IPCEF1: variants seen among roughly 807,000 people sequenced by gnomAD.
IPCEF1 encodes the protein interaction protein for cytohesin exchange factors 1.
Under a neutral mutation model 50.9 loss-of-function variants are expected in IPCEF1, and 31 were observed. That is an observed-to-expected ratio of 0.61 (90% CI 0.46 to 0.82). The LOEUF is 0.82. IPCEF1 is among the 40% of genes least tolerant of loss of function. IPCEF1 has a pLI of 0.00. For missense variants in IPCEF1, 458 were observed against 514.0 expected (o/e 0.89, Z 1.05); for synonymous variants, 181 against 192.0 (o/e 0.94, Z 0.47).
In IPCEF1 at chr6:154,353,582, C is replaced by A. The variant is rs186023518; in HGVS notation, c.-62+3090G>T. On this transcript the variant is annotated intron_variant, in intron 1 of 11. Coordinates refer to ENST00000367220, the MANE Select transcript of IPCEF1 (RefSeq NM_001130700.2). ...GATTACAGGCATGAGAGCCACCGCA[C>A]CCGGGCCTATTTACTTTCTTTCAAC... 2.2e-4 allele frequency among the ~76,000 whole-genome samples: 34 copies of A among 152,288 alleles called. 1 individual carries two copies. In the East Asian group the frequency reaches 3.1e-3, roughly 14 times the overall value.
chr6:154,317,147 A>G (rs1450632301), intron 1 of IPCEF1, among the ~76,000 whole-genome samples: 1 of 152,210 alleles, frequency 6.6e-6, no homozygotes, highest in Non-Finnish European at 1.5e-5. Context: ...AGCAAGCCAC[A>G]AGCTGGGAGA....
intron 10 of IPCEF1, among the ~76,000 whole-genome samples, chr6:154,179,881 G>C (rs569792901): frequency 1.3e-5 from 2 of 152,262 alleles, no homozygotes; most frequent in East Asian, 3.9e-4. Context: ...TTGTTAACAT[G>C]TAGATTCCAT....
intron 10 of IPCEF1, among the ~76,000 whole-genome samples, chr6:154,197,680 G>T (rs1776723765): frequency 6.6e-6 from 1 of 152,220 alleles, no homozygotes; most frequent in Non-Finnish European, 1.5e-5. Context: ...ATGGCATTTA[G>T]CCAGGAACAA....
chr6:154,263,171 A>G (rs1006048304), intron 3 of IPCEF1, among the ~76,000 whole-genome samples: 2 of 151,238 alleles, frequency 1.3e-5, no homozygotes, highest in Admixed American at 1.3e-4. Flanking sequence ...CAGATCTGCA[A>G]TGTCCATTTG....
chr6:154,347,918 G>C (rs1784062578), intron 1 of IPCEF1, among the ~76,000 whole-genome samples: 1 of 152,150 alleles, frequency 6.6e-6, no homozygotes, highest in Admixed American at 6.6e-5. Flanking sequence ...AGAACACAAA[G>C]AGGATGCAAT....
chr6:154,315,444 G>A (rs1783191790), intron 1 of IPCEF1, among the ~76,000 whole-genome samples: 1 of 152,144 alleles, frequency 6.6e-6, no homozygotes, highest in Non-Finnish European at 1.5e-5. Context: ...ACATAAATAA[G>A]CTGAGTTACA....
intron 1 of IPCEF1, among the ~76,000 whole-genome samples, chr6:154,340,996 T>C (rs1052499780): frequency 3.3e-5 from 5 of 151,802 alleles, no homozygotes; most frequent in African/African-American, 1.2e-4. Flanking sequence ...ATGTAAGAAG[T>C]ACATTGGTTA....
rs141439713 is a variant in IPCEF1, at chr6:154,354,061, C to T, written c.-62+2611G>A. On this transcript the variant is annotated intron_variant, in intron 1 of 11. Transcript: ENST00000367220. ...GCTCTGGCAACTTGAAAACTGATATCGATAACTGCCATTTAATGCAATCAT... is the reference window on the plus strand; with the variant it reads ...GCTCTGGCAACTTGAAAACTGATATTGATAACTGCCATTTAATGCAATCAT... Among the ~76,000 whole-genome samples the T allele has an allele frequency of 3.2e-4, 49 of 152,300 alleles. No individual in the cohort carries two copies. In the East Asian group the frequency reaches 8.9e-3, roughly 28 times the overall value.
chr6:154,197,827 G>A (rs1185320440), intron 10 of IPCEF1, among the ~76,000 whole-genome samples: 3 of 151,828 alleles, frequency 2.0e-5, no homozygotes, highest in Non-Finnish European at 4.4e-5. Context: ...ATCCTGGGGG[G>A]TGTGTGTGTG....
intron 3 of IPCEF1, among the ~76,000 whole-genome samples, chr6:154,251,437 C>A (rs908912377): frequency 6.6e-6 from 1 of 152,150 alleles, no homozygotes; most frequent in African/African-American, 2.4e-5. Context: ...GCTTAATAAT[C>A]ATATCATGCT....
At chr6:154,184,617 A>G (rs1801177694) in intron 10 of IPCEF1, among the ~76,000 whole-genome samples, 1 of 152,188 alleles carries the variant, frequency 6.6e-6, no homozygotes. Flanking sequence ...AAGATCCAGA[A>G]CACAAAAATT....
intron 10 of IPCEF1, among the ~76,000 whole-genome samples, chr6:154,172,018 T>G (rs1267810714): frequency 6.6e-6 from 1 of 152,232 alleles, no homozygotes; most frequent in African/African-American, 2.4e-5. Flanking sequence ...AATGGTTTCT[T>G]TACATTTCTC....
At chr6:154,303,793 C>T (rs73571026) in intron 1 of IPCEF1, among the ~76,000 whole-genome samples, 18,689 of 152,106 alleles carry the variant, frequency 0.12, 2,312 homozygotes, top group African/African-American at 0.32. Flanking sequence ...CATGTTGGTG[C>T]ACCTGTGGCC....
chr6:154,179,230 A>C (rs1800625600), intron 10 of IPCEF1, among the ~76,000 whole-genome samples: 1 of 152,210 alleles, frequency 6.6e-6, no homozygotes, highest in Non-Finnish European at 1.5e-5. Flanking sequence ...CAAATGTGAG[A>C]ATCCTTCTCA....
At chr6:154,321,937 A>C (rs1261728588) in intron 1 of IPCEF1, among the ~76,000 whole-genome samples, 1 of 152,102 alleles carries the variant, frequency 6.6e-6, no homozygotes, top group Non-Finnish European at 1.5e-5. Context: ...GTAGACCAGG[A>C]TCTCTCATGA....
chr6:154,237,256 C>T (rs1780207372), intron 5 of IPCEF1, among the ~76,000 whole-genome samples: 1 of 152,168 alleles, frequency 6.6e-6, no homozygotes, highest in Admixed American at 6.5e-5. Context: ...GTGCCCACAC[C>T]CTCACCATTA....
intron 1 of IPCEF1, among the ~76,000 whole-genome samples, chr6:154,349,188 T>TATC (rs1784082673): frequency 7.0e-6 from 1 of 142,570 alleles, no homozygotes; most frequent in African/African-American, 2.7e-5. Flanking sequence ...TTTATCTTAT[T>TATC]ATTATTATTA....
At position 154,303,454 on chromosome 6, in the gene IPCEF1, C is replaced by T. The variant is rs538593239; in HGVS notation, c.-61-13698G>A. On this transcript the variant is annotated intron_variant, in intron 1 of 11. Coordinates refer to ENST00000367220, the MANE Select transcript of IPCEF1 (RefSeq NM_001130700.2). Reference sequence around the variant, plus strand: ...TACATATCCATCAGCTCTCAGAACACGAGAGGGTTGTTTTCTGCAAAACCT... The same window carrying T: ...TACATATCCATCAGCTCTCAGAACATGAGAGGGTTGTTTTCTGCAAAACCT... Among the ~76,000 whole-genome samples, 11 of 152,286 alleles carry T rather than the reference C, an allele frequency of 7.2e-5. No individual in the cohort carries two copies. The East Asian group carries it at 1.5e-3, about 21-fold the overall frequency.
At chr6:154,222,677 C>A (rs573992293) in intron 6 of IPCEF1, among the ~76,000 whole-genome samples, 7 of 152,110 alleles carry the variant, frequency 4.6e-5, no homozygotes, top group Non-Finnish European at 8.8e-5. Flanking sequence ...CCTGTCAGTG[C>A]TCAAATCTTT....
Sources: gnomAD v4.1 joint callset for allele counts (sites outside exome capture counted in the v4.1 genomes callset) on GRCh38, gnomAD v4.1.1 for gene constraint, MANE v1.5 for transcripts, NCBI Gene and HGNC (gene_info 2026-07-23, HGNC 2026-07-21) for gene names.